Variants in ZFHX4 observed in about 807,000 individuals in gnomAD.
The protein encoded by ZFHX4 is zinc finger homeobox protein 4.
ZFHX4 carries 56 observed loss-of-function variants against 267.6 expected under a neutral mutation model. The observed-to-expected ratio is 0.21, with a 90% CI of 0.17 to 0.26. The LOEUF is 0.26. Ranked by LOEUF, ZFHX4 falls within the 10% of genes least tolerant of loss-of-function variation. The pLI, the probability that ZFHX4 is intolerant of heterozygous loss-of-function variation, is 1.00. For synonymous variants in ZFHX4, 1,778 were observed against 1,665.6 expected (o/e 1.07, Z -1.64); for missense variants, 4,332 against 4,420.0 (o/e 0.98, Z 0.56).
At position 76,854,330 on chromosome 8, in the gene ZFHX4, TCCC is replaced by T. The variant is rs774281675; in HGVS notation, c.7410_7412del (p.Pro2471del). On this transcript the variant is annotated inframe_deletion, in exon 10 of 11. Transcript: ENST00000651372. ...CCTCCCTCGGCCTCTCAAACACCGG[TCCC>T]TTCCAGTCCACTGCAAATTTCCATG... The T allele has an allele frequency of 3.1e-6, 5 of 1,613,596 alleles. No individual in the cohort carries two copies. The highest frequency in any genetic ancestry group is 4.2e-6 in the Non-Finnish European group (5 of 1,179,808).
intron 10 of ZFHX4, among the ~76,000 whole-genome samples, chr8:76,859,921 A>G (rs1307039977): frequency 1.3e-5 from 2 of 152,160 alleles, no homozygotes; most frequent in East Asian, 3.8e-4. Context: ...TTTCAGAGAA[A>G]GAAAACCCAA....
At chr8:76,776,921 C>T (rs1268433673) in intron 3 of ZFHX4, among the ~76,000 whole-genome samples, 3 of 151,896 alleles carry the variant, frequency 2.0e-5, no homozygotes, top group African/African-American at 7.3e-5. Flanking sequence ...TGCTAAAAGC[C>T]AGGGAGGTGG....
chr8:76,849,589 G>A lies in ZFHX4; in HGVS notation c.3723G>A (p.Ser1241=), dbSNP rs754980549. The change falls in exon 8 of 11, where the codon TCG becomes TCA. Residue 1241 remains serine, a synonymous_variant. Coordinates refer to ENST00000651372, the MANE Select transcript of ZFHX4 (RefSeq NM_024721.5). The stretch of plus-strand genomic sequence containing the variant: ...AGATGCACGTCCTATCACAGCACTC[G>A]GTGCAGCCGGTCATCTGCTGTCCTC... ...RIQMHVLSQH[S]VQPVICCPLC... 1.4e-5 allele frequency: 22 copies of A among 1,613,902 alleles called. No homozygotes were observed. Among genetic ancestry groups the A allele is most frequent in the African/African-American group, 8.0e-5 (6 of 75,018 alleles).
rs773826101 is a variant in ZFHX4, at chr8:76,704,398, C to A, written c.310C>A (p.Arg104Ser). Residue 104 changes from arginine to serine, a missense_variant, in exon 2 of 11, where the codon CGC becomes AGC. Physicochemically the swap from Arg to Ser is moderately radical, Grantham distance 110. Coordinates refer to ENST00000651372, the MANE Select transcript of ZFHX4 (RefSeq NM_024721.5). Reference protein sequence around the residue: ...KYMEHHCPNARLPVLKDDNES... With the variant: ...KYMEHHCPNASLPVLKDDNES... ...CATGGAACACCACTGCCCTAATGCC[C>A]GCCTTCCTGTCCTGAAGGATGACAA... 3.1e-6 allele frequency: 5 copies of A among 1,613,966 alleles called. No homozygotes were observed. In the Admixed American group the frequency reaches 6.7e-5, roughly 22 times the overall value.
At chr8:76,733,262 A>T (rs367922880) in intron 3 of ZFHX4, 4 of 152,160 alleles carry the variant, frequency 2.6e-5, no homozygotes, top group African/African-American at 9.6e-5. Flanking sequence ...CAGTTTTGCC[A>T]ATCGTTTTTT....
chr8:76,805,590 C>CTT (rs34607717), intron 4 of ZFHX4, among the ~76,000 whole-genome samples: 6 of 138,520 alleles, frequency 4.3e-5, no homozygotes, highest in African/African-American at 7.9e-5. Flanking sequence ...GACACTTAGG[C>CTT]TTTTTTTTTT....
chr8:76,711,138 C>T (rs1808411802), intron 3 of ZFHX4, among the ~76,000 whole-genome samples: 1 of 152,098 alleles, frequency 6.6e-6, no homozygotes, highest in Non-Finnish European at 1.5e-5. Flanking sequence ...TACCTTTATG[C>T]CTATTGCTAA....
chr8:76,738,616 T>A (rs1020463346), intron 3 of ZFHX4, among the ~76,000 whole-genome samples: 3 of 145,204 alleles, frequency 2.1e-5, no homozygotes, highest in Non-Finnish European at 4.5e-5. Context: ...CCTTCCTTCC[T>A]TCCTTCCTTC....
At chr8:76,756,067 A>G (rs1305418324) in intron 3 of ZFHX4, among the ~76,000 whole-genome samples, 1 of 152,200 alleles carries the variant, frequency 6.6e-6, no homozygotes, top group Non-Finnish European at 1.5e-5. Flanking sequence ...AGAAATCATC[A>G]AAGAAGAATC....
chr8:76,685,402 G>A (rs899557390), intron 1 of ZFHX4, among the ~76,000 whole-genome samples: 5 of 152,208 alleles, frequency 3.3e-5, no homozygotes, highest in Admixed American at 2.6e-4. Context: ...ATGGCTTGTC[G>A]TAGTCTTGTT....
chr8:76,712,665 A>G (rs1489266787), intron 3 of ZFHX4, among the ~76,000 whole-genome samples: 1 of 152,218 alleles, frequency 6.6e-6, no homozygotes, highest in East Asian at 1.9e-4. Context: ...GTTTTTCTTA[A>G]TCTTATTCTA....
At chr8:76,685,146 A>G (rs952592767) in intron 1 of ZFHX4, among the ~76,000 whole-genome samples, 1 of 152,238 alleles carries the variant, frequency 6.6e-6, no homozygotes, top group African/African-American at 2.4e-5. Context: ...CATAAAGGCA[A>G]GAAGGGAAGC....
At chr8:76,682,853 A>G (rs910409844) in intron 1 of ZFHX4, among the ~76,000 whole-genome samples, 3 of 151,992 alleles carry the variant, frequency 2.0e-5, no homozygotes, top group African/African-American at 7.2e-5. Flanking sequence ...AGGGACTGGA[A>G]TGCGCCGGGT....
At chr8:76,713,054 C>T (rs1808467520) in intron 3 of ZFHX4, among the ~76,000 whole-genome samples, 1 of 152,126 alleles carries the variant, frequency 6.6e-6, no homozygotes, top group Non-Finnish European at 1.5e-5. Context: ...AGAACAAATG[C>T]AATTGGCCAG....
chr8:76,833,158 C>T lies in ZFHX4; in HGVS notation c.3326-180C>T, dbSNP rs191894123. 2.1e-4 allele frequency among the ~76,000 whole-genome samples: 32 copies of T among 152,210 alleles called. No individual in the cohort carries two copies. The East Asian group carries it at 6.0e-3, about 28-fold the overall frequency. On this transcript the variant is annotated intron_variant, in intron 4 of 10. Coordinates refer to ENST00000651372, the MANE Select transcript of ZFHX4 (RefSeq NM_024721.5). ...AAGAATTAAATCTAATCCTATCACT[C>T]CCTGGGCTCATTTTGCCAGCTGCTG...
intron 10 of ZFHX4, among the ~76,000 whole-genome samples, chr8:76,861,539 A>G (rs968311000): frequency 3.3e-5 from 5 of 152,082 alleles, no homozygotes; most frequent in African/African-American, 1.2e-4. Flanking sequence ...GAGTGTAGCA[A>G]AGTTAAAAAG....
At position 76,752,848 on chromosome 8, in the gene ZFHX4, G is replaced by T. The variant is rs563737607; in HGVS notation, c.3094-25360G>T. On this transcript the variant is annotated intron_variant, in intron 3 of 10. Transcript: ENST00000651372. ...ATCTTAGTCAGTGTAATCCAAGAAA[G>T]TGAATTCACTATAATAACTTATGTA... is the stretch of plus-strand genomic sequence containing the variant. 1.5e-4 allele frequency among the ~76,000 whole-genome samples: 23 copies of T among 152,258 alleles called. 1 individual carries two copies. The South Asian group carries it at 2.1e-3, about 14-fold the overall frequency.
In ZFHX4 at chr8:76,866,414, TTATTC is replaced by T. The variant is rs1433709621; in HGVS notation, c.*1853_*1857del. ...TTTCGGATGATGATCACAGCAATCT[TTATTC>T]TATACATTTTATGTGAACTTTTTTA... On this transcript the variant is annotated 3_prime_UTR_variant, in exon 11 of 11. Transcript: ENST00000651372. The T allele has an allele frequency of 1.3e-5, 2 of 152,580 alleles. No individual in the cohort carries two copies. Among genetic ancestry groups the T allele is most frequent in the South Asian group, 2.1e-4 (1 of 4,834 alleles). 9.5% of individuals were successfully genotyped at this position (152,580 alleles called of 1,614,324 possible).
Position 76,856,235 on chromosome 8 carries a change from C to T in ZFHX4, c.9314C>T (p.Pro3105Leu), listed in dbSNP as rs1369527767. 1.9e-6 allele frequency: 3 copies of T among 1,613,978 alleles called. No individual in the cohort carries two copies. The highest frequency in any genetic ancestry group is 3.3e-5 in the Admixed American group (2 of 60,026). ...GCCTACCCCGGACTCCCCGGCCTTC[C>T]TCCAGTCCTTCTCCCCGGAATGAAC... is the stretch of plus-strand genomic sequence containing the variant. ...PTAYPGLPGLPPVLLPGMNGP... is the reference protein window; with the variant it reads ...PTAYPGLPGLLPVLLPGMNGP... Residue 3105 changes from proline to leucine, a missense_variant, in exon 10 of 11, where the codon CCT becomes CTT. This residue lies in a region of ZFHX4 where 1,648 missense variants were observed against 1,625.0 expected (regional missense o/e 1.01). Coordinates refer to ENST00000651372, the MANE Select transcript of ZFHX4 (RefSeq NM_024721.5).
Sources: gnomAD v4.1 joint callset for allele counts (sites outside exome capture counted in the v4.1 genomes callset) on GRCh38, gnomAD v4.1.1 for gene constraint, gnomAD v4.1.1 regional missense constraint, MANE v1.5 for transcripts, NCBI Gene and HGNC (gene_info 2026-07-23, HGNC 2026-07-21) for gene names.